Variants in ELMO1 observed in about 807,000 individuals in gnomAD.
The protein encoded by ELMO1 is engulfment and cell motility 1.
ELMO1 carries 26 observed loss-of-function variants against 98.9 expected under a neutral mutation model. That is an observed-to-expected ratio of 0.26 (90% CI 0.19 to 0.36). The LOEUF is 0.36. Among genes scored for constraint, ELMO1 ranks in the 10% least tolerant of loss-of-function variants. ELMO1 has a pLI of 1.00. For synonymous variants in ELMO1, 346 were observed against 346.0 expected (o/e 1.00, Z 0.00); for missense variants, 627 against 935.2 (o/e 0.67, Z 4.30).
intron 1 of ELMO1, among the ~76,000 whole-genome samples, chr7:37,398,397 T>A (rs1219445479): frequency 1.3e-5 from 2 of 152,214 alleles, no homozygotes; most frequent in Non-Finnish European, 2.9e-5. Flanking sequence ...AATCACTGCA[T>A]TGTCTTTCTT....
At chr7:37,192,711 T>C (rs970174001) in intron 13 of ELMO1, among the ~76,000 whole-genome samples, 2 of 146,962 alleles carry the variant, frequency 1.4e-5, no homozygotes, top group Non-Finnish European at 3.0e-5. Context: ...GGTGGGAGGA[T>C]AGCTTGAGCC....
intron 1 of ELMO1, among the ~76,000 whole-genome samples, chr7:37,374,832 G>A (rs1802265433): frequency 1.3e-5 from 2 of 152,128 alleles, no homozygotes; most frequent in African/African-American, 2.4e-5. Context: ...GGAGGCTGAG[G>A]TGGGTGGATC....
intron 19 of ELMO1, 33 bp downstream of exon 19, chr7:36,877,977 C>T (rs1287596581): frequency 9.1e-6 from 14 of 1,544,556 alleles, no homozygotes; most frequent in Non-Finnish European, 1.3e-5. Context: ...CAACCGACCA[C>T]CACTCAGGCC....
intron 8 of ELMO1, among the ~76,000 whole-genome samples, chr7:37,227,076 C>T (rs1021492053): frequency 1.7e-4 from 26 of 152,338 alleles, no homozygotes; most frequent in African/African-American, 6.3e-4. Context: ...CTCCTCTCTT[C>T]CCAATTATCA....
intron 13 of ELMO1, among the ~76,000 whole-genome samples, chr7:37,185,399 T>C (rs967022459): frequency 2.0e-5 from 3 of 152,230 alleles, no homozygotes; most frequent in African/African-American, 7.2e-5. Context: ...TTTCATAAAG[T>C]AAATGAATAG....
At chr7:37,297,593 C>T (rs1366612917) in intron 4 of ELMO1, among the ~76,000 whole-genome samples, 2 of 147,700 alleles carry the variant, frequency 1.4e-5, no homozygotes, top group Non-Finnish European at 3.0e-5. Flanking sequence ...GAAGAATGGC[C>T]CCTTTAGCAC....
chr7:37,193,434 T>G (rs1160588898), intron 13 of ELMO1, among the ~76,000 whole-genome samples: 1 of 152,184 alleles, frequency 6.6e-6, no homozygotes, highest in African/African-American at 2.4e-5. Context: ...AGCCGTTATA[T>G]AAGCAGGGAT....
At chr7:37,042,229 A>G (rs1008988537) in intron 15 of ELMO1, among the ~76,000 whole-genome samples, 6 of 150,934 alleles carry the variant, frequency 4.0e-5, no homozygotes, top group Non-Finnish European at 4.4e-5. Context: ...AAAAAAAAAG[A>G]AGAGAGAGAA....
At chr7:37,164,137 T>C (rs1240950732) in intron 13 of ELMO1, among the ~76,000 whole-genome samples, 2 of 152,238 alleles carry the variant, frequency 1.3e-5, no homozygotes, top group African/African-American at 4.8e-5. Context: ...AAATGTCTTC[T>C]TTTGAGAAGT....
At chr7:37,085,936 C>T (rs1023568278) in intron 15 of ELMO1, among the ~76,000 whole-genome samples, 16 of 152,234 alleles carry the variant, frequency 1.1e-4, no homozygotes, top group Admixed American at 2.0e-4. Flanking sequence ...AGGAAAACGA[C>T]ATCCACTAGC....
intron 15 of ELMO1, among the ~76,000 whole-genome samples, chr7:37,041,605 A>C (rs1021518232): frequency 6.6e-6 from 1 of 152,362 alleles, no homozygotes; most frequent in East Asian, 1.9e-4. Context: ...CACCAGAGAC[A>C]AAAAGGATGA....
chr7:37,066,196 G>A (rs773778935), intron 15 of ELMO1, among the ~76,000 whole-genome samples: 17 of 152,142 alleles, frequency 1.1e-4, no homozygotes, highest in Non-Finnish European at 1.8e-4. Context: ...TATTAGCAGC[G>A]TGAGAACAGA....
At chr7:36,936,975 C>T (rs1786589158) in intron 16 of ELMO1, among the ~76,000 whole-genome samples, 1 of 152,130 alleles carries the variant, frequency 6.6e-6, no homozygotes, top group African/African-American at 2.4e-5. Context: ...AGGGGGTTCT[C>T]CCAGGGATCT....
chr7:37,309,213 G>A (rs530324842), intron 4 of ELMO1, among the ~76,000 whole-genome samples: 36 of 152,286 alleles, frequency 2.4e-4, no homozygotes, highest in African/African-American at 6.5e-4. Context: ...ATCTTACATG[G>A]CAGCAGACAA....
rs761914453 is a variant in ELMO1 at position 37,375,607 on chromosome 7, A to G, written c.-73-32844T>C. On this transcript the variant is annotated intron_variant, in intron 1 of 21. Coordinates refer to ENST00000310758, the MANE Select transcript of ELMO1 (RefSeq NM_014800.11). ...ATGGTGGCCAAGAAGGATGTCCCCC[A>G]TGCCTAAGCACCAGGAGCTGGCAGA... The G allele has an allele frequency of 3.5e-5, 40 of 1,136,882 alleles. No homozygotes were observed. The Middle Eastern group carries it at 1.7e-3, about 47-fold the overall frequency. The allele number at this position is 1,136,882 out of a possible 1,614,324, so 70.4% of individuals were successfully genotyped here.
At position 36,971,457 on chromosome 7, in the gene ELMO1, G is replaced by A. The variant is rs555163424; in HGVS notation, c.1437+41842C>T. ...CATAAGAAAAGAAATCATTTTAAAT[G>A]GGGGAACAGGAGGAGTCAAGGGAGG... On this transcript the variant is annotated intron_variant, in intron 16 of 21. Transcript: ENST00000310758. 3.3e-5 allele frequency among the ~76,000 whole-genome samples: 5 copies of A among 152,326 alleles called. No homozygotes were observed. In the South Asian group the frequency reaches 8.3e-4, roughly 25 times the overall value.
At chr7:37,246,613 G>A (rs1256594456) in intron 6 of ELMO1, among the ~76,000 whole-genome samples, 2 of 152,200 alleles carry the variant, frequency 1.3e-5, no homozygotes, top group African/African-American at 2.4e-5. Context: ...TTGTTGTGAT[G>A]AGAGAACACT....
At chr7:37,003,697 T>C (rs1027531774) in intron 16 of ELMO1, among the ~76,000 whole-genome samples, 1 of 152,234 alleles carries the variant, frequency 6.6e-6, no homozygotes, top group African/African-American at 2.4e-5. Context: ...TGAATATGCA[T>C]GTTTTATGAT....
Position 36,855,498 on chromosome 7 carries a change from C to G in ELMO1, c.*53G>C, listed in dbSNP as rs1002548174. The G allele has an allele frequency of 4.4e-6, 7 of 1,608,162 alleles. No individual in the cohort carries two copies. The African/African-American group carries it at 9.4e-5, about 22-fold the overall frequency. ...CGTGGGTGTGTTTTCATTCCTCTCT[C>G]CTGTTAGCTAGGTGTTCCAGTTTTG... is the stretch of plus-strand genomic sequence containing the variant. On this transcript the variant is annotated 3_prime_UTR_variant, in exon 22 of 22. Coordinates refer to ENST00000310758, the MANE Select transcript of ELMO1 (RefSeq NM_014800.11). The surrounding 1 kb of genome is among the most constrained non-coding windows in gnomAD (Gnocchi z 4.2).
Sources: gnomAD v4.1 joint callset for allele counts (sites outside exome capture counted in the v4.1 genomes callset) on GRCh38, gnomAD v4.1.1 for gene constraint, Gnocchi (gnomAD v3.1) non-coding constraint, MANE v1.5 for transcripts, NCBI Gene and HGNC (gene_info 2026-07-23, HGNC 2026-07-21) for gene names.